CFAP251: variants seen among roughly 807,000 people sequenced by gnomAD.
CFAP251 encodes cilia- and flagella-associated protein 251.
A neutral mutation model predicts 126.7 loss-of-function variants in CFAP251; 93 were observed. The ratio of observed to expected loss-of-function variants is 0.73; its 90% CI spans 0.62 to 0.87. The LOEUF (loss-of-function observed/expected upper bound fraction) is 0.87, where lower values mean the gene tolerates loss of function less well. Ranked by LOEUF, CFAP251 falls within the 40% of genes least tolerant of loss-of-function variation. The pLI, the probability that CFAP251 is intolerant of heterozygous loss-of-function variation, is 0.00. For synonymous variants in CFAP251, 503 were observed against 506.9 expected (o/e 0.99, Z 0.10); for missense variants, 1,287 against 1,389.2 (o/e 0.93, Z 1.17).
intron 11 of CFAP251, among the ~76,000 whole-genome samples, chr12:121,957,894 T>C (rs1881785556): frequency 6.6e-6 from 1 of 152,138 alleles, no homozygotes; most frequent in South Asian, 2.1e-4. Flanking sequence ...GGATAATTAA[T>C]AGCCATAACA....
At chr12:121,939,264 C>A (rs1005251971) in intron 5 of CFAP251, among the ~76,000 whole-genome samples, 1 of 152,120 alleles carries the variant, frequency 6.6e-6, no homozygotes, top group Non-Finnish European at 1.5e-5. Context: ...ACAGGGGACA[C>A]GCACCCTGCA....
Position 121,921,315 on chromosome 12 carries a change from G to A in CFAP251, c.10G>A (p.Ala4Thr). The change falls in exon 2 of 22, where the codon GCA (alanine) becomes ACA (threonine). Residue 4 changes from alanine (A) to threonine (T), a missense_variant. Coordinates refer to ENST00000288912, the MANE Select transcript of CFAP251 (RefSeq NM_144668.6). ...AACTCTACAGAGAAGAATGTCAGATGCAGCAGAAGCTCCCCGAGAAGCAAC... is the reference window on the plus strand; with the variant it reads ...AACTCTACAGAGAAGAATGTCAGATACAGCAGAAGCTCCCCGAGAAGCAAC... MSD[A>T]AEAPREATGE... 6.3e-7 allele frequency: 1 copy of A among 1,587,572 alleles called. No individual in the cohort carries two copies. Among genetic ancestry groups the A allele is most frequent in the Non-Finnish European group, 8.5e-7 (1 of 1,171,558 alleles).
At position 121,951,548 on chromosome 12, in the gene CFAP251, A is replaced by G. The variant is rs775609456; in HGVS notation, c.1320+18A>G. On this transcript the variant is annotated intron_variant, in intron 9 of 21. Transcript: ENST00000288912. The stretch of plus-strand genomic sequence containing the variant: ...CTGAAAAAGTGAGTATGCCTATTGC[A>G]TTTTTGTCCATCAGATTTTGTGGAG... The G allele has an allele frequency of 2.0e-5, 32 of 1,566,484 alleles. No individual in the cohort carries two copies. Among genetic ancestry groups the G allele is most frequent in the Non-Finnish European group, 2.8e-5 (32 of 1,142,268 alleles).
chr12:122,001,442 C>T (rs965985760), intron 20 of CFAP251, 55 bp from the exon 21 acceptor site: 2 of 1,363,814 alleles, frequency 1.5e-6, no homozygotes, highest in African/African-American at 2.9e-5. Flanking sequence ...TAAGCCCTGA[C>T]AGTATGCTTA....
chr12:121,938,330 TG>T (rs968769798), intron 5 of CFAP251, among the ~76,000 whole-genome samples: 4 of 151,878 alleles, frequency 2.6e-5, no homozygotes. Context: ...TTGTTGTTGT[TG>T]TTATTTTTGA....
intron 7 of CFAP251, among the ~76,000 whole-genome samples, chr12:121,943,673 C>T (rs1036305627): frequency 3.3e-5 from 5 of 152,220 alleles, no homozygotes; most frequent in Non-Finnish European, 7.4e-5. Context: ...GATCTCCCCA[C>T]CTTGTCCTCC....
chr12:121,988,737 T>C (rs11043280), intron 19 of CFAP251, among the ~76,000 whole-genome samples: 48,127 of 150,328 alleles, frequency 0.32, 10,000 homozygotes, highest in Non-Finnish European at 0.47. Flanking sequence ...TTTTTTTTTC[T>C]TTTTTTTCTC....
rs150074792 is a variant in CFAP251, at chr12:122,000,320, G to C, written c.3235+376G>C. ...TAATCCCAGCACTTTGGGAGGCCGA[G>C]GCGGGCGGATTGCTTGAGGTCAGAA... is the stretch of plus-strand genomic sequence containing the variant. On this transcript the variant is annotated intron_variant, in intron 20 of 21. Coordinates refer to ENST00000288912, the MANE Select transcript of CFAP251 (RefSeq NM_144668.6). Among the ~76,000 whole-genome samples, 1,164 of 152,280 alleles carry C rather than the reference G, an allele frequency of 7.6e-3. 5 individuals carry two copies. Among genetic ancestry groups the C allele is most frequent in the Middle Eastern group, 0.034 (10 of 294 alleles).
At chr12:121,937,498 A>G (rs1880940304) in intron 5 of CFAP251, among the ~76,000 whole-genome samples, 1 of 152,160 alleles carries the variant, frequency 6.6e-6, no homozygotes, top group Admixed American at 6.5e-5. Context: ...AATGCACAGG[A>G]TGTTGTGAGG....
intron 19 of CFAP251, among the ~76,000 whole-genome samples, chr12:121,983,946 G>A (rs561252880): frequency 2.0e-5 from 3 of 152,224 alleles, no homozygotes; most frequent in South Asian, 2.1e-4. Context: ...AGGCTTTACC[G>A]TGGTTAATGA....
intron 19 of CFAP251, among the ~76,000 whole-genome samples, chr12:121,992,729 G>T (rs1031376490): frequency 1.3e-5 from 2 of 151,612 alleles, no homozygotes; most frequent in African/African-American, 2.4e-5. Flanking sequence ...AGGCACATGC[G>T]CCACCACGCC....
At chr12:121,983,769 G>A (rs1157782408) in intron 19 of CFAP251, among the ~76,000 whole-genome samples, 2 of 152,010 alleles carry the variant, frequency 1.3e-5, no homozygotes, top group African/African-American at 4.8e-5. Flanking sequence ...CCTCTTTGGA[G>A]ATGTTTTCTG....
chr12:121,931,763 T>G lies in CFAP251; in HGVS notation c.765T>G (p.Phe255Leu). The G allele has an allele frequency of 6.3e-7, 1 of 1,582,736 alleles. No homozygotes were observed. Among genetic ancestry groups the G allele is most frequent in the Non-Finnish European group, 8.6e-7 (1 of 1,166,504 alleles). ...TCTTCCAGACCATGACCTGGTCGTT[T>G]GGATGGAACAGTTCTCTTCCTGTTT... ...PVYPLTMTWSFGWNSSLPVYY... is the reference protein window; with the variant it reads ...PVYPLTMTWSLGWNSSLPVYY... The change falls in exon 4 of 22, where the codon TTT becomes TTG. Residue 255 changes from phenylalanine to leucine, a missense_variant. Physicochemically the swap from Phe to Leu is conservative, Grantham distance 22. Coordinates refer to ENST00000288912, the MANE Select transcript of CFAP251 (RefSeq NM_144668.6).
chr12:121,937,897 C>T (rs900947222), intron 5 of CFAP251, among the ~76,000 whole-genome samples: 5 of 152,182 alleles, frequency 3.3e-5, no homozygotes, highest in African/African-American at 9.7e-5. Context: ...CACTTAGCAT[C>T]GTGCTTGAAG....
At chr12:121,928,626 GTATATATATACGTATATA>G (rs1428411000) in intron 3 of CFAP251, among the ~76,000 whole-genome samples, 6 of 43,182 alleles carry the variant, frequency 1.4e-4, no homozygotes, top group African/African-American at 6.0e-4. Context: ...ATGTATATGT[GTATATATATACGTATATA>G]TATATATATA....
intron 1 of CFAP251, among the ~76,000 whole-genome samples, chr12:121,920,177 T>C (rs1386017512): frequency 3.1e-5 from 4 of 127,256 alleles, no homozygotes; most frequent in Non-Finnish European, 4.9e-5. Flanking sequence ...AGAACAAAAC[T>C]CTGTCTCAAG....
At chr12:121,971,685 A>G in intron 17 of CFAP251, 1 of 701,000 alleles carries the variant, frequency 1.4e-6, no homozygotes, top group Non-Finnish European at 2.6e-6. Flanking sequence ...AGGGCTTTCT[A>G]AGTCCACCCC....
chr12:122,001,406 T>A, intron 20 of CFAP251, 91 bp from the exon 21 acceptor site: 6 of 1,184,248 alleles, frequency 5.1e-6, no homozygotes, highest in Non-Finnish European at 7.5e-6. Context: ...GGGATAATTC[T>A]CTTTAAGACC....
At chr12:121,922,663 C>A (rs927321036) in intron 2 of CFAP251, among the ~76,000 whole-genome samples, 1 of 128,202 alleles carries the variant, frequency 7.8e-6, no homozygotes, top group Non-Finnish European at 1.7e-5. Flanking sequence ...CTGTCTGTAG[C>A]TAGTCAGCCT....
Sources: gnomAD v4.1 joint callset for allele counts (sites outside exome capture counted in the v4.1 genomes callset) on GRCh38, gnomAD v4.1.1 for gene constraint, MANE v1.5 for transcripts, NCBI Gene and HGNC (gene_info 2026-07-23, HGNC 2026-07-21) for gene names.